Variants in EP300 observed in about 807,000 individuals in gnomAD.
The protein encoded by EP300 is EP300 lysine acetyltransferase, also known as histone acetyltransferase p300.
EP300 carries 31 observed loss-of-function variants against 264.0 expected under a neutral mutation model. That is an observed-to-expected ratio of 0.12 (90% confidence interval 0.09 to 0.16). EP300 has a LOEUF of 0.16. Ranked by LOEUF, EP300 falls within the 10% of genes least tolerant of loss-of-function variation. The pLI, the probability that EP300 is intolerant of heterozygous loss-of-function variation, is 1.00. For missense variants in EP300, 2,766 were observed against 3,052.9 expected, an observed-to-expected ratio of 0.91 and a Z score of 2.21; for synonymous variants, 1,340 against 1,045.4, an observed-to-expected ratio of 1.28 and a Z score of -5.44.
At chr22:41,132,282 C>T (rs1601607696) in intron 6 of EP300, among the ~76,000 whole-genome samples, 2 of 122,784 alleles carry the variant, frequency 1.6e-5, no homozygotes, top group Non-Finnish European at 3.2e-5. Context: ...GTCATTCTTT[C>T]ATTCTTTTTT....
intron 25 of EP300, chr22:41,169,218 T>C (rs2059156517): frequency 3.7e-6 from 2 of 547,208 alleles, no homozygotes; most frequent in South Asian, 2.1e-5. Context: ...TCTCCAAAAA[T>C]AGTATAAAGG....
chr22:41,141,251 G>C (rs2145726628), intron 10 of EP300, 29 bp downstream of exon 10: 1 of 1,596,462 alleles, frequency 6.3e-7, no homozygotes. Context: ...ATTTCTGTTT[G>C]AGAGAAATTG....
intron 14 of EP300, among the ~76,000 whole-genome samples, chr22:41,151,314 G>A (rs563944359): frequency 6.9e-4 from 105 of 152,222 alleles, no homozygotes; most frequent in African/African-American, 2.5e-3. Context: ...AGAAAATACT[G>A]ACTTCTCATT....
intron 23 of EP300, among the ~76,000 whole-genome samples, chr22:41,167,856 CAG>C (rs1482803929): frequency 1.5e-5 from 1 of 65,276 alleles, no homozygotes; most frequent in East Asian, 4.3e-4. Context: ...TTTTTTGAGA[CAG>C]AGTCTCGCTG....
intron 19 of EP300, 163 bp from the exon 20 acceptor site, chr22:41,160,479 G>A: frequency 1.6e-6 from 1 of 624,896 alleles, no homozygotes; most frequent in South Asian, 1.9e-5. Flanking sequence ...CAAACTGTGG[G>A]GCCCATATAT....
At chr22:41,106,285 A>G (rs560090992) in intron 1 of EP300, among the ~76,000 whole-genome samples, 3 of 152,246 alleles carry the variant, frequency 2.0e-5, no homozygotes, top group Non-Finnish European at 2.9e-5. Context: ...TCTTTGTAAG[A>G]TTGGTAGTTT....
intron 29 of EP300, 155 bp from the exon 30 acceptor site, chr22:41,176,092 G>A: frequency 1.2e-6 from 1 of 806,420 alleles, no homozygotes; most frequent in Non-Finnish European, 2.0e-6. Flanking sequence ...TGGTGGTGTG[G>A]GCCTGTGGTC....
At chr22:41,155,417 A>G (rs2059071520) in intron 17 of EP300, among the ~76,000 whole-genome samples, 1 of 152,042 alleles carries the variant, frequency 6.6e-6, no homozygotes, top group African/African-American at 2.4e-5. Context: ...ATTTTTTAGT[A>G]GAGACGGGGT....
intron 3 of EP300, 126 bp from the exon 4 acceptor site, chr22:41,127,361 A>T: frequency 2.3e-6 from 3 of 1,282,184 alleles, no homozygotes. Flanking sequence ...TCCCTGTGTC[A>T]AAAAATGGAG....
At chr22:41,148,073 T>C (rs369779214) in intron 12 of EP300, 127 bp downstream of exon 12, 2 of 735,594 alleles carry the variant, frequency 2.7e-6, no homozygotes, top group South Asian at 2.1e-5. Context: ...TCTGTAATTC[T>C]TCTGTATTTA....
At chr22:41,131,189 C>CAAAA (rs921354453) in intron 5 of EP300, among the ~76,000 whole-genome samples, 199 bp from the exon 6 acceptor site, 1 of 152,074 alleles carries the variant, frequency 6.6e-6, no homozygotes, top group Non-Finnish European at 1.5e-5. Flanking sequence ...AATCAAAAGC[C>CAAAA]TTTTATACCA....
chr22:41,162,680 A>C, intron 20 of EP300, 43 bp from the exon 21 acceptor site: 5 of 1,513,034 alleles, frequency 3.3e-6, no homozygotes, highest in Non-Finnish European at 4.6e-6. Context: ...CAGATTGCTC[A>C]TCTCTATCAC....
chr22:41,116,625 T>C, intron 1 of EP300, among the ~76,000 whole-genome samples: 1 of 152,232 alleles, frequency 6.6e-6, no homozygotes, highest in Non-Finnish European at 1.5e-5. Flanking sequence ...GGGGGTGTTG[T>C]ACTTTCAATC....
chr22:41,129,802 T>A, intron 4 of EP300, 88 bp from the exon 5 acceptor site: 2 of 930,876 alleles, frequency 2.1e-6, no homozygotes, highest in South Asian at 2.7e-5. Context: ...AATGCATTTA[T>A]GTTACTTATT....
At chr22:41,152,455 A>G in intron 16 of EP300, 105 bp downstream of exon 16, 1 of 1,349,822 alleles carries the variant, frequency 7.4e-7, no homozygotes, top group Non-Finnish European at 1.0e-6. Flanking sequence ...CATTATTGTG[A>G]TTTCATTAAC....
At chr22:41,139,575 C>G (rs1278469901) in intron 8 of EP300, among the ~76,000 whole-genome samples, 1 of 152,148 alleles carries the variant, frequency 6.6e-6, no homozygotes, top group Non-Finnish European at 1.5e-5. Flanking sequence ...CTAAAGATCA[C>G]ATTTGTCAGT....
At position 41,177,802 on chromosome 22, in the gene EP300, C is replaced by G. The variant is rs199650847; in HGVS notation, c.6091C>G (p.Pro2031Ala). The G allele has an allele frequency of 4.3e-6, 7 of 1,614,084 alleles. No individual in the cohort carries two copies. Among genetic ancestry groups the G allele is most frequent in the Middle Eastern group, 1.6e-4 (1 of 6,062 alleles). ...TCAACCTTTGAACATGGCTCCACAA[C>G]CAGGATTGGGCCAGGTAGGTATCAG... The part of the protein sequence containing the change: ...HGQPLNMAPQ[P>A]GLGQVGISPL... The change falls in exon 31 of 31, where the codon CCA becomes GCA. Residue 2031 changes from proline to alanine, a missense_variant. By Grantham distance (27) the Pro-to-Ala change is conservative. Transcript: ENST00000263253.
intron 21 of EP300, 23 bp downstream of exon 21, chr22:41,162,802 G>C (rs754664099): frequency 6.2e-7 from 1 of 1,600,898 alleles, no homozygotes; most frequent in South Asian, 1.1e-5. Flanking sequence ...CCCTTGAATA[G>C]TCAGTACGCT....
intron 1 of EP300, among the ~76,000 whole-genome samples, chr22:41,105,023 C>T (rs756331144): frequency 4.6e-5 from 7 of 151,762 alleles, no homozygotes; most frequent in African/African-American, 1.5e-4. Context: ...AAATTAACCC[C>T]GTCTCTACTA....
Sources: allele counts gnomAD v4.1 joint callset (sites outside exome capture counted in the v4.1 genomes callset), GRCh38; gene constraint gnomAD v4.1.1; transcripts MANE v1.5; gene names NCBI Gene and HGNC (gene_info 2026-07-23, HGNC 2026-07-21).